Variants in SYVN1 observed in about 807,000 individuals in gnomAD.
The protein encoded by SYVN1 is synoviolin 1, also known as E3 ubiquitin-protein ligase synoviolin.
SYVN1 carries 17 observed loss-of-function variants against 62.6 expected under a neutral mutation model. The ratio of observed to expected loss-of-function variants is 0.27; its 90% CI spans 0.19 to 0.41. The LOEUF (loss-of-function observed/expected upper bound fraction) is 0.41, where lower values mean the gene tolerates loss of function less well. SYVN1 is among the 10% of genes least tolerant of loss of function. SYVN1 has a pLI of 1.00. For missense variants in SYVN1, 634 were observed against 818.0 expected (o/e 0.78, Z 2.74); for synonymous variants, 316 against 304.0 (o/e 1.04, Z -0.41).
At position 65,132,737 on chromosome 11, in the gene SYVN1, A is replaced by G; in HGVS notation, c.422T>C (p.Ile141Thr). 3 of 1,614,008 alleles carry G rather than the reference A, an allele frequency of 1.9e-6. No homozygotes were observed. The highest frequency in any genetic ancestry group is 2.5e-6 in the Non-Finnish European group (3 of 1,179,978). ...PNISWLFHCR[I>T]VSLMFLLGIL... ...CTCCCCTGAATCTCACTCACAGACA[A>G]TGCGGCAGTGAAAGAGCCAGGAGAT... is the stretch of plus-strand genomic sequence containing the variant. The change falls in exon 5 of 16, where the codon ATT becomes ACT. Residue 141 changes from isoleucine (I) to threonine (T), a missense_variant. Physicochemically the swap from Ile to Thr is moderately conservative, Grantham distance 89 (BLOSUM62 -1). Transcript: ENST00000377190.
In SYVN1 at chr11:65,129,850, G is replaced by C; in HGVS notation, c.1474C>G (p.Leu492Val). ...AGLTPEELRA[L>V]EGHERQHLEA... ...AGGTGCTGCCGCTCATGGCCCTCCA[G>C]AGCTCGTAGCTCCTCTGGGGTCAGC... Residue 492 changes from leucine (L) to valine (V), a missense_variant, in exon 14 of 16, where the codon CTG becomes GTG. By Grantham distance (32) the Leu-to-Val change is conservative. Transcript: ENST00000377190. 1 of 1,614,174 alleles carries C rather than the reference G, an allele frequency of 6.2e-7. No homozygotes were observed. The highest frequency in any genetic ancestry group is 8.5e-7 in the Non-Finnish European group (1 of 1,180,044).
At position 65,133,020 on chromosome 11, in the gene SYVN1, C is replaced by T. The variant is rs781749880; in HGVS notation, c.280G>A (p.Val94Ile). The T allele has an allele frequency of 1.2e-6, 2 of 1,614,192 alleles. No homozygotes were observed. Among genetic ancestry groups the T allele is most frequent in the South Asian group, 2.2e-5 (2 of 91,080 alleles). ...AVTETCLAFT[V>I]FRDDFSPRFV... ...CGGGGGCTGAAGTCATCCCGAAAAA[C>T]GGTGAAGGCCAGACAAGTCTCTGTG... Residue 94 changes from valine (V) to isoleucine (I), a missense_variant, in exon 4 of 16, where the codon GTT becomes ATT. Around this residue, in one of 2 missense-constraint regions of SYVN1, gnomAD observed 283 missense variants for 444.7 expected, o/e 0.64. Transcript: ENST00000377190.
At chr11:65,131,657 T>G in intron 6 of SYVN1, 61 bp from the exon 7 acceptor site, 1 of 1,589,128 alleles carries the variant, frequency 6.3e-7, no homozygotes, top group Non-Finnish European at 8.5e-7. Flanking sequence ...TGCACCCACA[T>G]TGCTCCCCAA....
chr11:65,131,791 T>A (rs1008497512), intron 6 of SYVN1, among the ~76,000 whole-genome samples, 195 bp from the exon 7 acceptor site: 1 of 152,116 alleles, frequency 6.6e-6, no homozygotes, highest in African/African-American at 2.4e-5. Context: ...TACTTATCTA[T>A]AAAATGACAT....
At position 65,130,740 on chromosome 11, in the gene SYVN1, G is replaced by A. The variant is rs766270346; in HGVS notation, c.1025C>T (p.Ser342Leu). Reference protein sequence around the residue: ...DVLRASLPAQSPPPPEPADQG... With the variant: ...DVLRASLPAQLPPPPEPADQG... ...ATCCGCAGGCTCCGGGGGTGGTGGT[G>A]ACTGCGCTGGCAGCGATGCACGAAG... The change falls in exon 11 of 16, where the codon TCA becomes TTA. Residue 342 changes from serine to leucine, a missense_variant. Transcript: ENST00000377190. The A allele has an allele frequency of 6.5e-7, 1 of 1,531,728 alleles. No individual in the cohort carries two copies. The highest frequency in any genetic ancestry group is 8.7e-7 in the Non-Finnish European group (1 of 1,143,724). The allele number at this position is 1,531,728 out of a possible 1,614,324, so 94.9% of individuals were successfully genotyped here. A position where few individuals can be genotyped will look rare whatever the true frequency, so the allele number is the denominator to read the frequency against.
At position 65,131,467 on chromosome 11, in the gene SYVN1, C is replaced by T; in HGVS notation, c.658+3G>A. ...GATCAGGAGAGGCCCAGGCCCCTCT[C>T]ACCTGTAAACAGCTCTGTGTAGAGC... On this transcript the variant is annotated splice_donor_region_variant and intron_variant, in intron 7 of 15. Transcript: ENST00000377190. The T allele has an allele frequency of 6.2e-7, 1 of 1,614,094 alleles. No homozygotes were observed.
At chr11:65,129,686 C>T in intron 14 of SYVN1, 43 bp downstream of exon 14, 2 of 1,595,378 alleles carry the variant, frequency 1.3e-6, no homozygotes, top group Admixed American at 1.7e-5. Context: ...CAGCTCCACT[C>T]CTGACCCACC....
chr11:65,133,091 G>A lies in SYVN1; in HGVS notation c.226-17C>T, dbSNP rs1407899108. On this transcript the variant is annotated splice_polypyrimidine_tract_variant and intron_variant, in intron 3 of 15. Transcript: ENST00000377190. ...CAGAAGGTGCTGGGGGCCAGGCAGG[G>A]AATAATGTGGATACCAAACATTCTT... 1.2e-6 allele frequency: 2 copies of A among 1,614,190 alleles called. No homozygotes were observed. Among genetic ancestry groups the A allele is most frequent in the South Asian group, 1.1e-5 (1 of 91,084 alleles).
chr11:65,129,719 A>G lies in SYVN1; in HGVS notation c.1595+10T>C. 6.2e-7 allele frequency: 1 copy of G among 1,613,776 alleles called. No individual in the cohort carries two copies. The highest frequency in any genetic ancestry group is 8.5e-7 in the Non-Finnish European group (1 of 1,179,700). On this transcript the variant is annotated intron_variant, in intron 14 of 15. Transcript: ENST00000377190. ...ACCAAACCCACTCTGCTTCCCCTGT[A>G]CAGACACACCCCAAGGAGGCCAGCA...
Position 65,128,375 on chromosome 11 carries a change from G to T in SYVN1, c.*7C>A. The stretch of plus-strand genomic sequence containing the variant: ...AGAGCAGAGGCTGGGGCTGGGCTGG[G>T]GCAGTGTCAGTGGGCAACAGGAGAC... On this transcript the variant is annotated 3_prime_UTR_variant, in exon 16 of 16. Coordinates refer to ENST00000377190, the MANE Select transcript of SYVN1 (RefSeq NM_172230.3). 1 of 1,609,448 alleles carries T rather than the reference G, an allele frequency of 6.2e-7. No homozygotes were observed. The highest frequency in any genetic ancestry group is 8.5e-7 in the Non-Finnish European group (1 of 1,177,886).
intron 2 of SYVN1, 43 bp downstream of exon 2, chr11:65,133,427 T>TTCCCTCCCAGGGAGTTCCTCCC (rs1948206824): frequency 6.2e-7 from 1 of 1,606,076 alleles, no homozygotes; most frequent in Admixed American, 1.7e-5. Context: ...AGACTCCTCC[T>TTCCCTCCCAGGGAGTTCCTCCC]TCCCTCCCAG....
chr11:65,133,511 G>A lies in SYVN1; in HGVS notation c.91C>T (p.Pro31Ser). The A allele has an allele frequency of 6.2e-7, 1 of 1,613,826 alleles. No homozygotes were observed. The highest frequency in any genetic ancestry group is 8.5e-7 in the Non-Finnish European group (1 of 1,180,036). ...GACTTGGTCAGGTACACCACAGTGG[G>A]GTAGAACTGGTGTTTGAGGTAGTAG... Reference protein sequence around the residue: ...HAYYLKHQFYPTVVYLTKSSP... With the variant: ...HAYYLKHQFYSTVVYLTKSSP... The change falls in exon 2 of 16, where the codon CCC becomes TCC. Residue 31 changes from proline (P) to serine (S), a missense_variant. Transcript: ENST00000377190.
At position 65,132,640 on chromosome 11, in the gene SYVN1, C is replaced by A. The variant is rs539689042; in HGVS notation, c.427+92G>T. On this transcript the variant is annotated intron_variant, in intron 5 of 15. Coordinates refer to ENST00000377190, the MANE Select transcript of SYVN1 (RefSeq NM_172230.3). ...AAATTAACTTCCTAAATTATCTTTC[C>A]TGTACAGCTGTGGGGGGTAGCCTGT... is the stretch of plus-strand genomic sequence containing the variant. 5.8e-6 allele frequency: 8 copies of A among 1,387,984 alleles called. No individual in the cohort carries two copies. In the South Asian group the frequency reaches 8.1e-5, roughly 14 times the overall value. The allele number at this position is 1,387,984 out of a possible 1,614,324, so 86.0% of individuals were successfully genotyped here. A position where few individuals can be genotyped will look rare whatever the true frequency, so the allele number is the denominator to read the frequency against.
rs772856778 is a variant in SYVN1 at position 65,133,050 on chromosome 11, C to T, written c.250G>A (p.Ala84Thr). 4.8e-5 allele frequency: 77 copies of T among 1,614,068 alleles called. No homozygotes were observed. Among genetic ancestry groups the T allele is most frequent in the Non-Finnish European group, 6.5e-5 (77 of 1,180,032 alleles). The stretch of plus-strand genomic sequence containing the variant: ...AAGGCCAGACAAGTCTCTGTGACGG[C>T]GTACCAGGAACGTTCCAGAAGGTGC... ...MEHLLERSWY[A>T]VTETCLAFTV... is the part of the protein sequence containing the mutation. Residue 84 changes from alanine (A) to threonine (T), a missense_variant, in exon 4 of 16, where the codon GCC becomes ACC. Transcript: ENST00000377190.
Position 65,133,252 on chromosome 11 carries a change from C to T in SYVN1, c.133G>A (p.Val45Ile). 1 of 1,614,156 alleles carries T rather than the reference C, an allele frequency of 6.2e-7. No homozygotes were observed. The highest frequency in any genetic ancestry group is 8.5e-7 in the Non-Finnish European group (1 of 1,180,018). ...AGGACAAAGGCCTGGATGTACAGGA[C>T]CTAGGAGTGGGGAGAGGCTGTGGTT... ...YLTKSSPSMA[V>I]LYIQAFVLVF... is the part of the protein sequence containing the mutation. Residue 45 changes from valine to isoleucine, a missense_variant and splice_region_variant, in exon 3 of 16, where the codon GTC (valine) becomes ATC (isoleucine). Physicochemically the swap from Val to Ile is conservative, Grantham distance 29. Transcript: ENST00000377190.
intron 14 of SYVN1, 127 bp downstream of exon 14, chr11:65,129,602 T>C: frequency 4.8e-6 from 4 of 838,520 alleles, no homozygotes; most frequent in Non-Finnish European, 7.6e-6. Flanking sequence ...CTGGAGACCC[T>C]TGGTGGGCCT....
chr11:65,127,547 CA>C lies in SYVN1; in HGVS notation c.*834del, dbSNP rs1948116154. On this transcript the variant is annotated 3_prime_UTR_variant, in exon 16 of 16. Transcript: ENST00000377190. Reference sequence around the variant, plus strand: ...CAACTTCAAAAGACAAAATTTAAGCCAAAAGACACTAGTAAGGAAGTAATTC... The same window carrying C: ...CAACTTCAAAAGACAAAATTTAAGCCAAAGACACTAGTAAGGAAGTAATTC... The C allele has an allele frequency of 6.5e-6, 1 of 153,616 alleles. No homozygotes were observed. Among genetic ancestry groups the C allele is most frequent in the African/African-American group, 2.4e-5 (1 of 41,494 alleles). The allele number at this position is 153,616 out of a possible 1,614,324, so 9.5% of individuals were successfully genotyped here.
chr11:65,127,778 C>A lies in SYVN1; in HGVS notation c.*604G>T, dbSNP rs1948120038. 3 of 153,806 alleles carry A rather than the reference C, an allele frequency of 2.0e-5. No individual in the cohort carries two copies. In the South Asian group the frequency reaches 6.1e-4, roughly 31 times the overall value. 9.5% of individuals were successfully genotyped at this position (153,806 alleles called of 1,614,324 possible). On this transcript the variant is annotated 3_prime_UTR_variant, in exon 16 of 16. Transcript: ENST00000377190. Reference sequence around the variant, plus strand: ...GCGGGGCAGGGTCCCTCAGTGCTGCCCGCCTGCACCCCCACTCCCAGGCAT... The same window carrying A: ...GCGGGGCAGGGTCCCTCAGTGCTGCACGCCTGCACCCCCACTCCCAGGCAT...
In SYVN1 at chr11:65,128,381, G is replaced by A. The variant is rs1948128755; in HGVS notation, c.*1C>T. On this transcript the variant is annotated 3_prime_UTR_variant, in exon 16 of 16. Transcript: ENST00000377190. The stretch of plus-strand genomic sequence containing the variant: ...GAGGCTGGGGCTGGGCTGGGGCAGT[G>A]TCAGTGGGCAACAGGAGACTCCAGC... 6.2e-7 allele frequency: 1 copy of A among 1,611,294 alleles called. No homozygotes were observed.
Sources: gnomAD v4.1 joint callset for allele counts (sites outside exome capture counted in the v4.1 genomes callset) on GRCh38, gnomAD v4.1.1 for gene constraint, gnomAD v4.1.1 regional missense constraint, MANE v1.5 for transcripts, NCBI Gene and HGNC (gene_info 2026-07-23, HGNC 2026-07-21) for gene names.